The following USP37 variants were observed in gnomAD, a reference collection of about 807,000 sequenced individuals.
USP37 encodes the protein ubiquitin carboxyl-terminal hydrolase 37.
A neutral mutation model predicts 124.0 loss-of-function variants in USP37; 27 were observed. That is an observed-to-expected ratio of 0.22 (90% CI 0.16 to 0.30). USP37 has a LOEUF of 0.30. Ranked by LOEUF, USP37 falls within the 10% of genes least tolerant of loss-of-function variation. The pLI is 1.00. For synonymous variants in USP37, 365 were observed against 388.0 expected (o/e 0.94, Z 0.70); for missense variants, 889 against 1,140.4 (o/e 0.78, Z 3.17).
chr2:218,525,389 T>TGGGAGGATCACCTGAGCCC (rs1317813219), intron 10 of USP37, among the ~76,000 whole-genome samples: 1 of 151,924 alleles, frequency 6.6e-6, no homozygotes, highest in Non-Finnish European at 1.5e-5. Flanking sequence ...GGGTTGTGGG[T>TGGGAGGATCACCTGAGCCC]GGGAGGATCA....
chr2:218,461,159 T>C (rs950325523), intron 22 of USP37, among the ~76,000 whole-genome samples: 3 of 152,194 alleles, frequency 2.0e-5, no homozygotes, highest in Non-Finnish European at 2.9e-5. Context: ...TTTGCTTTAA[T>C]ATATAATTAG....
At chr2:218,457,735 C>T (rs1689768540) in intron 23 of USP37, among the ~76,000 whole-genome samples, 2 of 152,004 alleles carry the variant, frequency 1.3e-5, no homozygotes, top group African/African-American at 4.8e-5. Flanking sequence ...GCACTGCAGA[C>T]AGCACTATAA....
At chr2:218,527,973 C>T in intron 10 of USP37, among the ~76,000 whole-genome samples, 1 of 152,118 alleles carries the variant, frequency 6.6e-6, no homozygotes, top group East Asian at 1.9e-4. Context: ...GAGGTCAAGG[C>T]AGGCACATCA....
intron 17 of USP37, 142 bp downstream of exon 17, chr2:218,481,928 A>ACTCATGCAGATG (rs1361285428): frequency 1.0e-6 from 1 of 982,510 alleles, no homozygotes; most frequent in African/African-American, 1.7e-5. Flanking sequence ...TGCTGGGATT[A>ACTCATGCAGATG]CAGGCATGAG....
intron 16 of USP37, among the ~76,000 whole-genome samples, chr2:218,482,663 A>G (rs931749694): frequency 2.0e-5 from 3 of 152,210 alleles, no homozygotes; most frequent in Non-Finnish European, 4.4e-5. Flanking sequence ...GTAAACATTA[A>G]TTACTTCAAG....
chr2:218,535,590 C>T (rs1466132787), intron 8 of USP37, among the ~76,000 whole-genome samples: 3 of 151,824 alleles, frequency 2.0e-5, no homozygotes, highest in Admixed American at 6.6e-5. Context: ...GATGCAGTGG[C>T]TCACACCTGT....
chr2:218,486,849 C>T (rs1691600115), intron 15 of USP37, among the ~76,000 whole-genome samples: 1 of 152,036 alleles, frequency 6.6e-6, no homozygotes, highest in Admixed American at 6.6e-5. Flanking sequence ...CCTCAGCCTC[C>T]CGAGTAGCTG....
rs534903395 is a variant in USP37, at chr2:218,452,022, A to G, written c.*2908T>C. On this transcript the variant is annotated 3_prime_UTR_variant, in exon 26 of 26. Coordinates refer to ENST00000258399, the MANE Select transcript of USP37 (RefSeq NM_020935.3). ...CTTCTCATAGGCTTAAATTATAGTCATGGCTATTAAAGAAATTAACAGCAT... is the reference window on the plus strand; with the variant it reads ...CTTCTCATAGGCTTAAATTATAGTCGTGGCTATTAAAGAAATTAACAGCAT... 6.5e-6 allele frequency: 1 copy of G among 152,770 alleles called. No homozygotes were observed. The highest frequency in any genetic ancestry group is 1.9e-4 in the East Asian group (1 of 5,192). 9.5% of individuals were successfully genotyped at this position (152,770 alleles called of 1,614,324 possible).
At position 218,472,860 on chromosome 2, in the gene USP37, T is replaced by C. The variant is rs554977800; in HGVS notation, c.2299+1770A>G. On this transcript the variant is annotated intron_variant, in intron 20 of 25. Coordinates refer to ENST00000258399, the MANE Select transcript of USP37 (RefSeq NM_020935.3). ...TAATTCTATTTATAATTCCAATATA[T>C]AGCCCACATTCTCATTTCTCCAGTT... is the stretch of plus-strand genomic sequence containing the variant. Among the ~76,000 whole-genome samples the C allele has an allele frequency of 2.6e-5, 4 of 152,322 alleles. No individual in the cohort carries two copies. The East Asian group carries it at 7.7e-4, about 29-fold the overall frequency.
intron 1 of USP37, among the ~76,000 whole-genome samples, chr2:218,565,702 C>T (rs1484380988): frequency 6.6e-6 from 1 of 152,156 alleles, no homozygotes; most frequent in Non-Finnish European, 1.5e-5. Flanking sequence ...TGGTCACTAG[C>T]CTATATTCTA....
chr2:218,553,378 TAC>T (rs1207200142), intron 5 of USP37, among the ~76,000 whole-genome samples, 173 bp downstream of exon 5: 1 of 152,262 alleles, frequency 6.6e-6, no homozygotes, highest in African/African-American at 2.4e-5. Flanking sequence ...AATGATGTGT[TAC>T]ACAGATTGAT....
chr2:218,456,628 G>A (rs80017803), intron 24 of USP37, among the ~76,000 whole-genome samples: 4,234 of 152,184 alleles, frequency 0.028, 189 homozygotes, highest in African/African-American at 0.096. Context: ...TTAACACAAT[G>A]CACATTGAGT....
chr2:218,514,828 G>C, intron 10 of USP37, among the ~76,000 whole-genome samples: 1 of 152,110 alleles, frequency 6.6e-6, no homozygotes. Context: ...TCTGTTAGGA[G>C]AGCTCTTCAG....
rs142441347 is a variant in USP37, at chr2:218,516,129, C to T, written c.864-5989G>A. On this transcript the variant is annotated intron_variant, in intron 10 of 25. Transcript: ENST00000258399. Reference sequence around the variant, plus strand: ...TCAACCATTGTGGAAGACAGCATGGCGATTCCTCAAGGATCTAGAACCAGA... The same window carrying T: ...TCAACCATTGTGGAAGACAGCATGGTGATTCCTCAAGGATCTAGAACCAGA... Among the ~76,000 whole-genome samples the T allele has an allele frequency of 3.2e-3, 490 of 152,248 alleles. 1 individual carries two copies. Among genetic ancestry groups the T allele is most frequent in the African/African-American group, 0.011 (471 of 41,552 alleles).
chr2:218,477,196 A>C (rs556422069), intron 18 of USP37, among the ~76,000 whole-genome samples: 2 of 152,374 alleles, frequency 1.3e-5, no homozygotes, highest in South Asian at 4.1e-4. Context: ...ACTACGTATC[A>C]TCAGTAAACT....
At chr2:218,542,391 G>C (rs1692032866) in intron 8 of USP37, among the ~76,000 whole-genome samples, 1 of 152,186 alleles carries the variant, frequency 6.6e-6, no homozygotes, top group Non-Finnish European at 1.5e-5. Context: ...GAACATGCTA[G>C]ACTGGCATGC....
At chr2:218,547,137 A>C (rs1692377596) in intron 6 of USP37, 46 bp from the exon 7 acceptor site, 1 of 1,541,608 alleles carries the variant, frequency 6.5e-7, no homozygotes, top group Non-Finnish European at 8.7e-7. Context: ...AATTAACTGG[A>C]ATACTTTTAG....
chr2:218,487,920 A>C (rs1156527151), intron 15 of USP37, among the ~76,000 whole-genome samples: 1 of 151,518 alleles, frequency 6.6e-6, no homozygotes, highest in Non-Finnish European at 1.5e-5. Flanking sequence ...GTGGTGGCTC[A>C]CACCTGTAAT....
chr2:218,493,619 C>T (rs1688913960), intron 14 of USP37, among the ~76,000 whole-genome samples: 1 of 152,140 alleles, frequency 6.6e-6, no homozygotes, highest in African/African-American at 2.4e-5. Flanking sequence ...TACAGGTGTG[C>T]ACCACCACGC....
Sources: gnomAD v4.1 joint callset for allele counts (sites outside exome capture counted in the v4.1 genomes callset) on GRCh38, gnomAD v4.1.1 for gene constraint, MANE v1.5 for transcripts, NCBI Gene and HGNC (gene_info 2026-07-23, HGNC 2026-07-21) for gene names.